Variants in POR observed in about 807,000 individuals in gnomAD.
POR encodes NADPH--cytochrome P450 reductase.
A neutral mutation model predicts 84.0 loss-of-function variants in POR; 56 were observed. The observed-to-expected ratio is 0.67, with a 90% CI of 0.54 to 0.83. The LOEUF (loss-of-function observed/expected upper bound fraction) is 0.83. Among genes scored for constraint, POR ranks in the 40% least tolerant of loss-of-function variants. The pLI, the probability that POR is intolerant of heterozygous loss-of-function variation, is 0.00. For missense variants in POR, 938 were observed against 944.3 expected (o/e 0.99, Z 0.09); for synonymous variants, 414 against 400.5 (o/e 1.03, Z -0.40).
intron 1 of POR, among the ~76,000 whole-genome samples, chr7:75,932,305 C>T (rs1019270173): frequency 6.6e-6 from 1 of 151,934 alleles, no homozygotes; most frequent in Non-Finnish European, 1.5e-5. Context: ...CTCAGCCCCC[C>T]GAGTAGCTAG....
At chr7:75,949,498 TTTG>T (rs1261115064) in intron 1 of POR, among the ~76,000 whole-genome samples, 15 of 148,994 alleles carry the variant, frequency 1.0e-4, no homozygotes, top group Admixed American at 1.3e-4. Context: ...CATCTCAGGG[TTTG>T]TTGTTGTTGT....
At chr7:75,977,987 CT>C (rs1554557089) in intron 3 of POR, among the ~76,000 whole-genome samples, 1 of 152,156 alleles carries the variant, frequency 6.6e-6, no homozygotes, top group Non-Finnish European at 1.5e-5. Context: ...GGATTTCAGG[CT>C]TTTCAACAGC....
intron 7 of POR, 85 bp from the exon 8 acceptor site, chr7:75,982,139 C>T: frequency 2.0e-6 from 2 of 991,030 alleles, no homozygotes; most frequent in Non-Finnish European, 3.1e-6. Context: ...AAAGGCCATG[C>T]ACGGTCTCCC....
chr7:75,919,378 C>CGTGTGTGTGTGTGTGTGT (rs1458787395), intron 1 of POR, among the ~76,000 whole-genome samples: 3 of 136,180 alleles, frequency 2.2e-5, no homozygotes, highest in African/African-American at 1.0e-4. Flanking sequence ...TGCATCTGTG[C>CGTGTGTGTGTGTGTGTGT]GTGCGTGTGT....
chr7:75,918,623 T>A (rs1161709355), intron 1 of POR: 1 of 152,114 alleles, frequency 6.6e-6, no homozygotes, highest in Admixed American at 6.6e-5. Flanking sequence ...GGCCTTAGGA[T>A]ATGTGTAGGC....
chr7:75,986,551 C>T lies in POR; in HGVS notation c.*70C>T, dbSNP rs1789488007. 7.8e-6 allele frequency: 12 copies of T among 1,542,102 alleles called. No individual in the cohort carries two copies. The highest frequency in any genetic ancestry group is 1.9e-5 in the Admixed American group (1 of 53,106). On this transcript the variant is annotated 3_prime_UTR_variant, in exon 16 of 16. Transcript: ENST00000461988. Reference sequence around the variant, plus strand: ...AGCTCTCCTGGCTCCCTCCCGTAGTCTCCTGGGTGTGTTTGGCTTGGCCTT... The same window carrying T: ...AGCTCTCCTGGCTCCCTCCCGTAGTTTCCTGGGTGTGTTTGGCTTGGCCTT...
intron 1 of POR, among the ~76,000 whole-genome samples, chr7:75,947,463 T>G (rs377728571): frequency 6.6e-6 from 1 of 151,990 alleles, no homozygotes; most frequent in African/African-American, 2.4e-5. Flanking sequence ...CCCAGCTAAT[T>G]TTTGTATTTT....
At chr7:75,978,770 C>T (rs781869480) in intron 3 of POR, among the ~76,000 whole-genome samples, 7 of 151,266 alleles carry the variant, frequency 4.6e-5, no homozygotes, top group Non-Finnish European at 1.0e-4. Context: ...GTCATCCACC[C>T]GCCTTGGCCT....
chr7:75,983,186 TAA>T (rs1310598023), intron 8 of POR: 3 of 235,552 alleles, frequency 1.3e-5, no homozygotes, highest in African/African-American at 6.9e-5. Context: ...AGTAAAAATA[TAA>T]AAGTTAACCA....
At chr7:75,916,265 C>T (rs1324820630) in intron 1 of POR, among the ~76,000 whole-genome samples, 1 of 152,172 alleles carries the variant, frequency 6.6e-6, no homozygotes, top group African/African-American at 2.4e-5. Context: ...GTAAGCAGAA[C>T]GTTTATGGAA....
chr7:75,985,166 C>T lies in POR; in HGVS notation c.1357C>T (p.Arg453Cys), dbSNP rs781999828. The T allele has an allele frequency of 8.1e-6, 13 of 1,598,892 alleles. No homozygotes were observed. The highest frequency in any genetic ancestry group is 2.2e-5 in the East Asian group (1 of 44,856). ...CGACCACCTGTGTGAGCTGCTGCCGCGCCTGCAGGCCCGCTACTACTCCAT... is the reference window on the plus strand; with the variant it reads ...CGACCACCTGTGTGAGCTGCTGCCGTGCCTGCAGGCCCGCTACTACTCCAT... Residue 453 changes from arginine (R) to cysteine (C), a missense_variant, in exon 12 of 16, where the codon CGC (arginine) becomes TGC (cysteine). Physicochemically the swap from Arg to Cys is radical, Grantham distance 180. Coordinates refer to ENST00000461988, the MANE Select transcript of POR (RefSeq NM_000941.3).
chr7:75,977,641 A>G (rs1215644280), intron 3 of POR, among the ~76,000 whole-genome samples: 2 of 152,124 alleles, frequency 1.3e-5, no homozygotes, highest in Non-Finnish European at 2.9e-5. Flanking sequence ...AGCCTAGCAT[A>G]GTGGTGGGTG....
Position 75,983,826 on chromosome 7 carries a change from G to C in POR, c.1036G>C (p.Asp346His), listed in dbSNP as rs782200489. 2.5e-6 allele frequency: 4 copies of C among 1,611,262 alleles called. No individual in the cohort carries two copies. Among genetic ancestry groups the C allele is most frequent in the Non-Finnish European group, 2.5e-6 (3 of 1,179,210 alleles). ...GGGCAAAATCCTGGGTGCCGACCTGGACGTCGTCATGTCCCTGAACAACCT... is the reference window on the plus strand; with the variant it reads ...GGGCAAAATCCTGGGTGCCGACCTGCACGTCGTCATGTCCCTGAACAACCT... The change falls in exon 10 of 16, where the codon GAC becomes CAC. Residue 346 changes from aspartate (D) to histidine (H), a missense_variant. Coordinates refer to ENST00000461988, the MANE Select transcript of POR (RefSeq NM_000941.3).
At position 75,984,812 on chromosome 7, in the gene POR, A is replaced by G. The variant is rs1355670653; in HGVS notation, c.1102A>G (p.Thr368Ala). ...CAAGAAGCACCCATTCCCGTGCCCT[A>G]CGTCCTACCGCACGGCCCTCACCTA... Residue 368 changes from threonine (T) to alanine (A), a missense_variant, in exon 11 of 16, where the codon ACG (threonine) becomes GCG (alanine). Transcript: ENST00000461988. 1 of 1,612,560 alleles carries G rather than the reference A, an allele frequency of 6.2e-7. No homozygotes were observed. The highest frequency in any genetic ancestry group is 8.5e-7 in the Non-Finnish European group (1 of 1,179,798).
chr7:75,975,241 AGATGT>A (rs1460122784), intron 3 of POR, among the ~76,000 whole-genome samples: 1 of 152,154 alleles, frequency 6.6e-6, no homozygotes, highest in Non-Finnish European at 1.5e-5. Flanking sequence ...TCCTGATGTA[AGATGT>A]GAGGTATGAA....
intron 1 of POR, among the ~76,000 whole-genome samples, chr7:75,929,279 T>G (rs527365484): frequency 6.6e-6 from 1 of 152,282 alleles, no homozygotes; most frequent in East Asian, 1.9e-4. Context: ...TTTTTGTTTT[T>G]TTGAGACCGA....
chr7:75,975,950 C>G (rs1437638928), intron 3 of POR, among the ~76,000 whole-genome samples: 1 of 151,290 alleles, frequency 6.6e-6, no homozygotes, highest in South Asian at 2.1e-4. Context: ...CTGCACCCAG[C>G]TGGTTCAGAT....
At chr7:75,964,442 G>A (rs1379973104) in intron 2 of POR, among the ~76,000 whole-genome samples, 2 of 152,008 alleles carry the variant, frequency 1.3e-5, no homozygotes, top group Admixed American at 1.3e-4. Context: ...CGAGTAGCTG[G>A]GATTACAGGC....
rs575349859 is a variant in POR at position 75,982,043 on chromosome 7, C to T, written c.732-181C>T. 24 of 612,204 alleles carry T rather than the reference C, an allele frequency of 3.9e-5. No homozygotes were observed. In the East Asian group the frequency reaches 4.5e-4, roughly 11 times the overall value. The allele number at this position is 612,204 out of a possible 1,614,324, so 37.9% of individuals were successfully genotyped here. ...GCCCCCGGCAGCTCCACGCCGCCTC[C>T]CTCCTTGCTCCCTCGCCTGCCCTCC... is the stretch of plus-strand genomic sequence containing the variant. On this transcript the variant is annotated intron_variant, in intron 7 of 15. Coordinates refer to ENST00000461988, the MANE Select transcript of POR (RefSeq NM_000941.3).
Sources: gnomAD v4.1 joint callset for allele counts (sites outside exome capture counted in the v4.1 genomes callset) on GRCh38, gnomAD v4.1.1 for gene constraint, MANE v1.5 for transcripts, NCBI Gene and HGNC (gene_info 2026-07-23, HGNC 2026-07-21) for gene names.